The following FZD3 variants were observed in gnomAD, a reference collection of about 807,000 sequenced individuals.
FZD3 encodes the protein frizzled-3.
FZD3 carries 30 observed loss-of-function variants against 60.7 expected under a neutral mutation model. That is an observed-to-expected ratio of 0.49 (90% CI 0.37 to 0.67). FZD3 has a LOEUF of 0.67. FZD3 is among the 30% of genes least tolerant of loss of function. The probability of loss-of-function intolerance (pLI) is 0.00; values close to 1 mark genes in which losing one functional copy is unlikely to be tolerated. For missense variants in FZD3, 605 were observed against 838.7 expected, an observed-to-expected ratio of 0.72 and a Z score of 3.44; for synonymous variants, 246 against 275.2, an observed-to-expected ratio of 0.89 and a Z score of 1.05.
intron 3 of FZD3, among the ~76,000 whole-genome samples, chr8:28,519,600 C>T (rs190379622): frequency 7.6e-4 from 116 of 151,806 alleles, no homozygotes; most frequent in South Asian, 6.3e-3. Context: ...TGTGGTGGTG[C>T]GTGCCTGTAG....
intron 5 of FZD3, among the ~76,000 whole-genome samples, chr8:28,544,510 A>G (rs1489235430): frequency 6.6e-6 from 1 of 152,220 alleles, no homozygotes; most frequent in Non-Finnish European, 1.5e-5. Flanking sequence ...ATTCATTTGT[A>G]GAACATTTGT....
intron 3 of FZD3, among the ~76,000 whole-genome samples, chr8:28,508,592 C>T (rs1027705721): frequency 2.6e-5 from 4 of 152,038 alleles, no homozygotes; most frequent in Non-Finnish European, 5.9e-5. Context: ...TCCTAATCTC[C>T]CGGGCTCAGT....
At chr8:28,498,662 C>CT (rs1803909929) in intron 1 of FZD3, among the ~76,000 whole-genome samples, 1 of 152,232 alleles carries the variant, frequency 6.6e-6, no homozygotes, top group South Asian at 2.1e-4. Context: ...ACCGCAACCT[C>CT]CACCTCTCAT....
chr8:28,522,192 C>T (rs1405286476), intron 4 of FZD3, among the ~76,000 whole-genome samples: 55 of 149,906 alleles, frequency 3.7e-4, no homozygotes, highest in Admixed American at 3.3e-3. Context: ...GCAACCTTCA[C>T]CTCCCGGGTT....
intron 2 of FZD3, among the ~76,000 whole-genome samples, chr8:28,501,220 C>G (rs892420843): frequency 6.6e-6 from 1 of 152,164 alleles, no homozygotes; most frequent in African/African-American, 2.4e-5. Flanking sequence ...TTCTAGGGAC[C>G]ATAGACTTTT....
chr8:28,547,060 C>T (rs1323860961), intron 5 of FZD3, among the ~76,000 whole-genome samples: 1 of 152,156 alleles, frequency 6.6e-6, no homozygotes, highest in Non-Finnish European at 1.5e-5. Flanking sequence ...GCCTGTGTTT[C>T]CCAGCTTCCC....
At chr8:28,513,366 G>C (rs965376255) in intron 3 of FZD3, among the ~76,000 whole-genome samples, 3 of 152,090 alleles carry the variant, frequency 2.0e-5, no homozygotes, top group Non-Finnish European at 2.9e-5. Context: ...TGGGAACTCT[G>C]CTTTGACTTG....
At position 28,520,747 on chromosome 8, in the gene FZD3, G is replaced by T; in HGVS notation, c.299G>T (p.Arg100Leu). 3 of 1,612,422 alleles carry T rather than the reference G, an allele frequency of 1.9e-6. No individual in the cohort carries two copies. The highest frequency in any genetic ancestry group is 2.5e-6 in the Non-Finnish European group (3 of 1,179,008). The change falls in exon 4 of 8, where the codon CGT becomes CTT. Residue 100 changes from arginine to leucine, a missense_variant. Transcript: ENST00000240093. ...TATGGACGTGTCACACTTCCCTGTC[G>T]TAGGCTGTGTCAGCGGGCTTACAGT... ...MEYGRVTLPC[R>L]RLCQRAYSEC...
Position 28,564,483 on chromosome 8 carries a change from A to C in FZD3, c.*1472A>C, listed in dbSNP as rs1402365398. ...AAAAAAAAGCGCTCCAGGTGATTCTAATCTGCAGCCTGGCTTGAAACTCAC... is the reference window on the plus strand; with the variant it reads ...AAAAAAAAGCGCTCCAGGTGATTCTCATCTGCAGCCTGGCTTGAAACTCAC... On this transcript the variant is annotated 3_prime_UTR_variant, in exon 8 of 8. Transcript: ENST00000240093. 3 of 147,594 alleles carry C rather than the reference A, an allele frequency of 2.0e-5. No individual in the cohort carries two copies. The highest frequency in any genetic ancestry group is 4.0e-4 in the East Asian group (2 of 4,998). The allele number at this position is 147,594 out of a possible 1,614,324, so 9.1% of individuals were successfully genotyped here.
rs1360876136 is a variant in FZD3 at position 28,503,067 on chromosome 8, G to T, written c.54G>T (p.Gly18=). The T allele has an allele frequency of 1.2e-6, 2 of 1,613,594 alleles. No individual in the cohort carries two copies. Among genetic ancestry groups the T allele is most frequent in the East Asian group, 4.5e-5 (2 of 44,852 alleles). The part of the protein sequence containing the change: ...FSLWPLTVFM[G]HIGGHSLFSC... ...TTTGGCCCTTGACTGTGTTCATGGG[G>T]CATATAGGTGGGCACAGTTTGTTTT... Residue 18 remains glycine, a synonymous_variant, in exon 3 of 8, where the codon GGG becomes GGT. Transcript: ENST00000240093.
At chr8:28,511,017 A>AC (rs1210940025) in intron 3 of FZD3, among the ~76,000 whole-genome samples, 2 of 151,826 alleles carry the variant, frequency 1.3e-5, no homozygotes, top group African/African-American at 4.8e-5. Flanking sequence ...AGCCTGGGCA[A>AC]CGGAGTGAGA....
chr8:28,504,006 G>A (rs1476802690), intron 3 of FZD3, among the ~76,000 whole-genome samples: 2 of 152,090 alleles, frequency 1.3e-5, no homozygotes, highest in Non-Finnish European at 2.9e-5. Flanking sequence ...TCATATTAAC[G>A]TGGTTACATA....
chr8:28,510,905 T>C (rs1363059940), intron 3 of FZD3, among the ~76,000 whole-genome samples: 1 of 149,148 alleles, frequency 6.7e-6, no homozygotes, highest in Admixed American at 6.7e-5. Flanking sequence ...GGCGTGGTGG[T>C]GGGCACATGT....
At chr8:28,517,696 C>T (rs1804466806) in intron 3 of FZD3, among the ~76,000 whole-genome samples, 1 of 151,988 alleles carries the variant, frequency 6.6e-6, no homozygotes, top group African/African-American at 2.4e-5. Flanking sequence ...CTTCTGATAG[C>T]TCTAATAAGT....
At position 28,566,187 on chromosome 8, in the gene FZD3, A is replaced by T. The variant is rs926279515; in HGVS notation, c.*3176A>T. On this transcript the variant is annotated 3_prime_UTR_variant, in exon 8 of 8. Coordinates refer to ENST00000240093, the MANE Select transcript of FZD3 (RefSeq NM_017412.4). ...AAGAAATTTGAAAGATCTATAACCT[A>T]TGTGAAATGAAGTCTCTGCTTTACC... 3 of 152,194 alleles carry T rather than the reference A, an allele frequency of 2.0e-5. No homozygotes were observed. The highest frequency in any genetic ancestry group is 4.4e-5 in the Non-Finnish European group (3 of 68,002). 9.4% of individuals were successfully genotyped at this position (152,194 alleles called of 1,614,324 possible). A position where few individuals can be genotyped will look rare whatever the true frequency, so the allele number is the denominator to read the frequency against.
intron 3 of FZD3, among the ~76,000 whole-genome samples, chr8:28,504,887 A>T (rs1298848386): frequency 6.6e-6 from 1 of 152,228 alleles, no homozygotes; most frequent in African/African-American, 2.4e-5. Flanking sequence ...AAATATGCAC[A>T]AGTAGTCTAG....
chr8:28,510,412 C>A (rs539277163), intron 3 of FZD3, among the ~76,000 whole-genome samples: 24 of 152,276 alleles, frequency 1.6e-4, no homozygotes, highest in Non-Finnish European at 3.2e-4. Flanking sequence ...ATTTTGCATT[C>A]CCACTAGTAA....
chr8:28,535,128 A>G (rs998199101), intron 5 of FZD3, among the ~76,000 whole-genome samples: 6 of 152,368 alleles, frequency 3.9e-5, no homozygotes, highest in African/African-American at 1.4e-4. Context: ...GGTTTAGTGC[A>G]AATTGCATGA....
At chr8:28,560,800 A>G (rs1186271742) in intron 7 of FZD3, among the ~76,000 whole-genome samples, 1 of 152,194 alleles carries the variant, frequency 6.6e-6, no homozygotes, top group Non-Finnish European at 1.5e-5. Flanking sequence ...TTTTAAGGCA[A>G]TAATCATTAT....
Sources: gnomAD v4.1 joint callset for allele counts (sites outside exome capture counted in the v4.1 genomes callset) on GRCh38, gnomAD v4.1.1 for gene constraint, MANE v1.5 for transcripts, NCBI Gene and HGNC (gene_info 2026-07-23, HGNC 2026-07-21) for gene names.